The following MAP3K5 variants were observed in gnomAD, a reference collection of about 807,000 sequenced individuals.
MAP3K5 encodes ASK-1.
In MAP3K5, 56 loss-of-function variants were observed where a neutral mutation model predicts 158.7. The ratio of observed to expected loss-of-function variants is 0.35; its 90% CI spans 0.28 to 0.44. MAP3K5 has a LOEUF of 0.44. Among genes scored for constraint, MAP3K5 ranks in the 20% least tolerant of loss-of-function variants. The probability of loss-of-function intolerance (pLI) is 1.00; values close to 1 mark genes in which losing one functional copy is unlikely to be tolerated. For missense variants in MAP3K5, 1,294 were observed against 1,674.8 expected, an observed-to-expected ratio of 0.77 and a Z score of 3.97; for synonymous variants, 579 against 601.7, an observed-to-expected ratio of 0.96 and a Z score of 0.55.
At chr6:136,627,459 A>T (rs1328392461) in intron 14 of MAP3K5, among the ~76,000 whole-genome samples, 2 of 152,202 alleles carry the variant, frequency 1.3e-5, no homozygotes, top group Non-Finnish European at 2.9e-5. Context: ...CAAACTCCTT[A>T]GCACAGCATA....
intron 3 of MAP3K5, 57 bp from the exon 4 acceptor site, chr6:136,698,739 T>C (rs543057917): frequency 4.9e-5 from 59 of 1,210,062 alleles, no homozygotes; most frequent in Non-Finnish European, 6.7e-5. Context: ...ACGGCACAGA[T>C]GGAATCCCAC....
chr6:136,740,129 A>G (rs1298152367), intron 1 of MAP3K5, among the ~76,000 whole-genome samples: 2 of 152,230 alleles, frequency 1.3e-5, no homozygotes, highest in Admixed American at 1.3e-4. Flanking sequence ...AATGGCATGG[A>G]GTAGAATCAG....
intron 1 of MAP3K5, among the ~76,000 whole-genome samples, chr6:136,781,526 G>A (rs932781401): frequency 5.3e-5 from 8 of 152,164 alleles, no homozygotes; most frequent in Non-Finnish European, 1.0e-4. Flanking sequence ...TATAGAGAAC[G>A]AAACATCTGT....
intron 1 of MAP3K5, among the ~76,000 whole-genome samples, chr6:136,786,440 C>A (rs1445890397): frequency 6.6e-6 from 1 of 150,930 alleles, no homozygotes; most frequent in Non-Finnish European, 1.5e-5. Flanking sequence ...TCCACCTACA[C>A]AGGGCAACAC....
intron 18 of MAP3K5, among the ~76,000 whole-genome samples, chr6:136,610,597 TAAAAAAAAAA>T (rs201221344): frequency 3.6e-3 from 234 of 64,346 alleles, no homozygotes; most frequent in African/African-American, 0.013. Flanking sequence ...AAATGTTTAA[TAAAAAAAAAA>T]AAAAAAAAAT....
intron 1 of MAP3K5, among the ~76,000 whole-genome samples, chr6:136,734,249 T>C (rs113194218): frequency 0.033 from 4,973 of 151,736 alleles, 261 homozygotes; most frequent in African/African-American, 0.11. Context: ...TGAAACCCTG[T>C]CTCTACTAAC....
intron 3 of MAP3K5, among the ~76,000 whole-genome samples, chr6:136,700,272 T>C (rs1780792936): frequency 6.6e-6 from 1 of 151,878 alleles, no homozygotes; most frequent in African/African-American, 2.4e-5. Context: ...GGAAGAGATA[T>C]GAGGTTTGAG....
chr6:136,718,402 A>G (rs1005209990), intron 2 of MAP3K5, among the ~76,000 whole-genome samples: 2 of 152,128 alleles, frequency 1.3e-5, no homozygotes, highest in African/African-American at 4.8e-5. Context: ...AGGTTTCACC[A>G]CGTTGGCCAG....
chr6:136,582,422 T>C (rs565832673), intron 24 of MAP3K5, among the ~76,000 whole-genome samples: 2 of 152,208 alleles, frequency 1.3e-5, no homozygotes, highest in Non-Finnish European at 1.5e-5. Flanking sequence ...CAAGTGCAAA[T>C]TAGCTAAATT....
At chr6:136,774,898 G>C (rs908425638) in intron 1 of MAP3K5, among the ~76,000 whole-genome samples, 9 of 152,108 alleles carry the variant, frequency 5.9e-5, no homozygotes, top group Non-Finnish European at 1.2e-4. Context: ...CTAACAAAAG[G>C]TTTTTCATTA....
intron 11 of MAP3K5, among the ~76,000 whole-genome samples, chr6:136,643,977 TCA>T (rs911937708): frequency 2.6e-5 from 4 of 152,096 alleles, no homozygotes; most frequent in African/African-American, 9.7e-5. Context: ...AGCCTTATCC[TCA>T]GAGCCTGCAG....
At chr6:136,668,518 T>C (rs1254950061) in intron 8 of MAP3K5, among the ~76,000 whole-genome samples, 3 of 151,996 alleles carry the variant, frequency 2.0e-5, no homozygotes, top group Non-Finnish European at 4.4e-5. Context: ...CCTAAAAGAG[T>C]TGGAAAGATT....
intron 1 of MAP3K5, among the ~76,000 whole-genome samples, chr6:136,733,463 T>C (rs754324085): frequency 6.6e-6 from 1 of 152,210 alleles, no homozygotes; most frequent in African/African-American, 2.4e-5. Flanking sequence ...TATGAAGAGA[T>C]ATTTTCCTGA....
chr6:136,707,356 G>A (rs937991881), intron 2 of MAP3K5, among the ~76,000 whole-genome samples: 23 of 152,244 alleles, frequency 1.5e-4, no homozygotes, highest in Non-Finnish European at 3.1e-4. Context: ...GAAAGCCTGG[G>A]AAGCTCAGCA....
chr6:136,662,564 TCTCTCTCTTC>T (rs1047242423), intron 8 of MAP3K5, among the ~76,000 whole-genome samples: 1 of 152,082 alleles, frequency 6.6e-6, no homozygotes, highest in Non-Finnish European at 1.5e-5. Flanking sequence ...TTCCTTTCTC[TCTCTCTCTTC>T]CTCTCTCTTT....
At chr6:136,592,083 C>T in intron 23 of MAP3K5, 90 bp downstream of exon 23, 2 of 1,269,130 alleles carry the variant, frequency 1.6e-6, no homozygotes, top group Non-Finnish European at 2.2e-6. Flanking sequence ...TTCCTCTTGC[C>T]TTTCACATCA....
In MAP3K5 at chr6:136,557,790, C is replaced by G; in HGVS notation, c.4093G>C (p.Ala1365Pro). 6.2e-7 allele frequency: 1 copy of G among 1,612,598 alleles called. No homozygotes were observed. The highest frequency in any genetic ancestry group is 1.1e-5 in the South Asian group (1 of 91,034). ...RGGMLCTLWK[A>P]IIDFRNKQT is the part of the protein sequence containing the mutation. Reference sequence around the variant, plus strand: ...TGTTTGTTTCGAAAGTCAATGATAGCCTTCCACAGTGTGCACAGCATCCCT... The same window carrying G: ...TGTTTGTTTCGAAAGTCAATGATAGGCTTCCACAGTGTGCACAGCATCCCT... Residue 1365 changes from alanine (A) to proline (P), a missense_variant, in exon 30 of 30, where the codon GCT becomes CCT. Transcript: ENST00000359015.
chr6:136,600,913 C>G, intron 21 of MAP3K5, 109 bp downstream of exon 21: 1 of 1,142,394 alleles, frequency 8.8e-7, no homozygotes, highest in Non-Finnish European at 1.3e-6. Flanking sequence ...CCCTCCTTTC[C>G]CCCCATGTAA....
intron 14 of MAP3K5, among the ~76,000 whole-genome samples, chr6:136,624,293 C>G (rs1286417395): frequency 6.6e-6 from 1 of 152,114 alleles, no homozygotes; most frequent in Non-Finnish European, 1.5e-5. Flanking sequence ...AGTTTTTATG[C>G]TCTTTAACAA....
Sources: allele counts gnomAD v4.1 joint callset (sites outside exome capture counted in the v4.1 genomes callset), GRCh38; gene constraint gnomAD v4.1.1; transcripts MANE v1.5; gene names NCBI Gene and HGNC (gene_info 2026-07-23, HGNC 2026-07-21).